The following LAMA2 variants were observed in gnomAD, a reference collection of about 807,000 sequenced individuals.
LAMA2 encodes laminin subunit alpha 2, also known as laminin subunit alpha-2.
LAMA2 carries 269 observed loss-of-function variants against 364.8 expected under a neutral mutation model. That is an observed-to-expected ratio of 0.74 (90% CI 0.67 to 0.82). LAMA2 has a LOEUF of 0.82. Ranked by LOEUF, LAMA2 falls within the 40% of genes least tolerant of loss-of-function variation. The pLI, the probability that LAMA2 is intolerant of heterozygous loss-of-function variation, is 0.00. For missense variants in LAMA2, 3,807 were observed against 3,873.2 expected (o/e 0.98, Z 0.45); for synonymous variants, 1,379 against 1,370.6 (o/e 1.01, Z -0.14).
chr6:129,431,463 T>C (rs1413353482), intron 41 of LAMA2, among the ~76,000 whole-genome samples: 1 of 151,060 alleles, frequency 6.6e-6, no homozygotes, highest in Admixed American at 6.6e-5. Context: ...TAAAAAGACC[T>C]ATTCCCTGGA....
At chr6:129,414,382 A>G (rs1396121167) in intron 40 of LAMA2, among the ~76,000 whole-genome samples, 2 of 152,136 alleles carry the variant, frequency 1.3e-5, no homozygotes, top group African/African-American at 4.8e-5. Context: ...AAGAAAAACT[A>G]TAGGCCAGTT....
intron 4 of LAMA2, among the ~76,000 whole-genome samples, chr6:129,100,931 C>T (rs1246507717): frequency 3.3e-5 from 5 of 152,186 alleles, no homozygotes; most frequent in East Asian, 1.9e-4. Context: ...TATCATACAA[C>T]ATTTGAGGAT....
At chr6:128,909,147 C>T (rs370484418) in intron 1 of LAMA2, among the ~76,000 whole-genome samples, 13 of 151,598 alleles carry the variant, frequency 8.6e-5, no homozygotes, top group African/African-American at 1.2e-4. Flanking sequence ...AGATGTCTAT[C>T]AGGTCCGCTT....
In LAMA2 at chr6:129,099,176, C is replaced by T. The variant is rs1215783258; in HGVS notation, c.639+761C>T. On this transcript the variant is annotated intron_variant, in intron 4 of 64. Coordinates refer to ENST00000421865, the MANE Select transcript of LAMA2 (RefSeq NM_000426.4). ...TAGTTGTGTGTTCTTGATCCAGTTA[C>T]TTAAATTCTCTGCACCTCAGTTTCA... Among the ~76,000 whole-genome samples the T allele has an allele frequency of 5.3e-5, 7 of 132,928 alleles. No individual in the cohort carries two copies. The East Asian group carries it at 1.7e-3, about 32-fold the overall frequency. The allele number at this position is 132,928 out of a possible 152,430, so 87.2% of individuals were successfully genotyped here.
At chr6:129,034,025 A>G (rs1054548464) in intron 1 of LAMA2, among the ~76,000 whole-genome samples, 2 of 152,118 alleles carry the variant, frequency 1.3e-5, no homozygotes, top group Non-Finnish European at 2.9e-5. Context: ...TGAGATTTCA[A>G]TGCAAATTGT....
intron 3 of LAMA2, among the ~76,000 whole-genome samples, chr6:129,089,099 G>T (rs1774638767): frequency 6.6e-6 from 1 of 152,244 alleles, no homozygotes; most frequent in Non-Finnish European, 1.5e-5. Context: ...ATCACTCGCG[G>T]TTAGGAGCTG....
intron 19 of LAMA2, among the ~76,000 whole-genome samples, chr6:129,290,432 T>A (rs1483389942): frequency 6.6e-6 from 1 of 152,186 alleles, no homozygotes; most frequent in Non-Finnish European, 1.5e-5. Flanking sequence ...AGACAAACTT[T>A]GCTGGAAGAT....
intron 53 of LAMA2, among the ~76,000 whole-genome samples, chr6:129,478,246 T>C (rs1461709505): frequency 2.1e-5 from 2 of 95,854 alleles, no homozygotes; most frequent in African/African-American, 6.0e-5. Context: ...TAAAAAAAAA[T>C]CTTTTTCAAA....
intron 8 of LAMA2, chr6:129,158,205 T>C (rs995460189): frequency 1.3e-5 from 21 of 1,613,622 alleles, no homozygotes; most frequent in Non-Finnish European, 1.6e-5. Context: ...AGTAATCAAA[T>C]AGAGCTGAGT....
intron 6 of LAMA2, 53 bp downstream of exon 6, chr6:129,147,101 G>A (rs1015336438): frequency 8.0e-6 from 9 of 1,125,762 alleles, no homozygotes; most frequent in African/African-American, 6.1e-5. Flanking sequence ...GCTGTAAAAT[G>A]TTTCATGACA....
intron 2 of LAMA2, among the ~76,000 whole-genome samples, chr6:129,050,386 C>G (rs1009868610): frequency 6.6e-6 from 1 of 152,112 alleles, no homozygotes; most frequent in African/African-American, 2.4e-5. Context: ...TTAACTCAGG[C>G]TGTCATCATT....
chr6:129,280,245 A>C, intron 18 of LAMA2, 98 bp downstream of exon 18: 1 of 793,924 alleles, frequency 1.3e-6, no homozygotes, highest in Non-Finnish European at 2.2e-6. Context: ...TGGAGAAAAA[A>C]GGCCACACTC....
intron 28 of LAMA2, among the ~76,000 whole-genome samples, chr6:129,327,382 A>G (rs1405536174): frequency 6.6e-6 from 1 of 151,884 alleles, no homozygotes; most frequent in African/African-American, 2.4e-5. Flanking sequence ...TTCTTTCATC[A>G]ATGGGCATAA....
intron 1 of LAMA2, chr6:128,929,827 C>T (rs1259127642): frequency 3.8e-6 from 4 of 1,043,464 alleles, no homozygotes; most frequent in Non-Finnish European, 6.0e-6. Flanking sequence ...AGAAGATACG[C>T]AGTCCCTTGT....
intron 18 of LAMA2, among the ~76,000 whole-genome samples, chr6:129,281,170 G>A (rs981163368): frequency 6.6e-6 from 1 of 152,074 alleles, no homozygotes; most frequent in Non-Finnish European, 1.5e-5. Flanking sequence ...AATGAAACAA[G>A]CAGCATTTAT....
intron 34 of LAMA2, among the ~76,000 whole-genome samples, chr6:129,378,536 G>A (rs547429495): frequency 6.6e-5 from 10 of 152,288 alleles, no homozygotes; most frequent in South Asian, 2.1e-4. Flanking sequence ...TCTAGATGAT[G>A]TTCTGATATG....
At chr6:129,472,030 C>T (rs972862130) in intron 51 of LAMA2, among the ~76,000 whole-genome samples, 5 of 151,856 alleles carry the variant, frequency 3.3e-5, no homozygotes, top group Non-Finnish European at 5.9e-5. Context: ...AATAGTATTT[C>T]GTGGTCAAAT....
intron 52 of LAMA2, among the ~76,000 whole-genome samples, chr6:129,474,508 C>G (rs1704784817): frequency 6.6e-6 from 1 of 152,116 alleles, no homozygotes; most frequent in African/African-American, 2.4e-5. Flanking sequence ...CCTAGAAATT[C>G]ATTTGCCAGT....
rs769991509 is a variant in LAMA2, at chr6:129,098,346, A to C, written c.570A>C (p.Ser190=). The change falls in exon 4 of 65, where the codon TCA becomes TCC. Residue 190 remains serine (S), a synonymous_variant. Transcript: ENST00000421865. ...TTTATCCCCGCACTGGGCCACCGTC[A>C]TATGCCAAAGATGATGAGGTCATCT... ...YNIYPRTGPP[S]YAKDDEVICT... 1.2e-6 allele frequency: 2 copies of C among 1,614,078 alleles called. No homozygotes were observed. The highest frequency in any genetic ancestry group is 8.5e-7 in the Non-Finnish European group (1 of 1,179,976).
Sources: gnomAD v4.1 joint callset for allele counts (sites outside exome capture counted in the v4.1 genomes callset) on GRCh38, gnomAD v4.1.1 for gene constraint, MANE v1.5 for transcripts, NCBI Gene and HGNC (gene_info 2026-07-23, HGNC 2026-07-21) for gene names.